Variants in DLG2 observed in about 807,000 individuals in gnomAD.
DLG2 encodes the protein discs large MAGUK scaffold protein 2.
In DLG2, 45 loss-of-function variants were observed where a neutral mutation model predicts 132.5. The ratio of observed to expected loss-of-function variants is 0.34; its 90% confidence interval spans 0.27 to 0.44. The LOEUF (loss-of-function observed/expected upper bound fraction) is 0.44, where lower values mean the gene tolerates loss of function less well. Ranked by LOEUF, DLG2 falls within the 20% of genes least tolerant of loss-of-function variation. The pLI is 1.00. For missense variants in DLG2, 1,045 were observed against 1,196.9 expected, an observed-to-expected ratio of 0.87 and a Z score of 1.87; for synonymous variants, 424 against 419.6, an observed-to-expected ratio of 1.01 and a Z score of -0.13.
Position 84,505,860 on chromosome 11 carries a change from C to T in DLG2, c.519+28710G>A, listed in dbSNP as rs1351445419. ...TGTAAGATGTATTTTATAGTTCAAT[C>T]TCATACATCTTAGCTTAACTTTCTG... On this transcript the variant is annotated intron_variant, in intron 7 of 27. Coordinates refer to ENST00000376104, the MANE Select transcript of DLG2 (RefSeq NM_001142699.3). Among the ~76,000 whole-genome samples, 3 of 152,040 alleles carry T rather than the reference C, an allele frequency of 2.0e-5. No individual in the cohort carries two copies. In the East Asian group the frequency reaches 5.8e-4, roughly 29 times the overall value.
intron 7 of DLG2, among the ~76,000 whole-genome samples, chr11:84,509,773 T>C (rs1403940310): frequency 6.6e-6 from 1 of 152,082 alleles, no homozygotes. Flanking sequence ...AAATTAAAAA[T>C]TGTGCAGAAT....
chr11:84,622,949 TG>T (rs2099616425), intron 6 of DLG2, among the ~76,000 whole-genome samples: 1 of 152,142 alleles, frequency 6.6e-6, no homozygotes, highest in Non-Finnish European at 1.5e-5. Context: ...ATTTTATCAT[TG>T]TGCTATCCCT....
intron 8 of DLG2, among the ~76,000 whole-genome samples, chr11:84,225,534 A>C (rs1295902604): frequency 6.6e-6 from 1 of 152,174 alleles, no homozygotes; most frequent in African/African-American, 2.4e-5. Context: ...ATTCCACTAG[A>C]ATATCATTCA....
intron 6 of DLG2, among the ~76,000 whole-genome samples, chr11:85,087,301 A>C (rs537804840): frequency 2.0e-5 from 3 of 152,348 alleles, no homozygotes; most frequent in Admixed American, 2.0e-4. Context: ...TGAGAGAGAG[A>C]GAGCCCCTAG....
intron 21 of DLG2, among the ~76,000 whole-genome samples, chr11:83,512,089 G>A (rs2095058620): frequency 1.3e-5 from 2 of 152,196 alleles, no homozygotes; most frequent in Non-Finnish European, 2.9e-5. Context: ...GCTGGAGACA[G>A]CTCAAAGGCA....
chr11:84,027,208 T>C (rs1022702972), intron 11 of DLG2, among the ~76,000 whole-genome samples: 4 of 152,120 alleles, frequency 2.6e-5, no homozygotes, highest in African/African-American at 9.7e-5. Context: ...TCTGCTTCAA[T>C]TAAAGTAACT....
At chr11:83,863,490 A>G (rs2061780577) in intron 16 of DLG2, among the ~76,000 whole-genome samples, 1 of 152,062 alleles carries the variant, frequency 6.6e-6, no homozygotes, top group African/African-American at 2.4e-5. Flanking sequence ...ATGAATGGAG[A>G]CTTTGTCAAT....
intron 16 of DLG2, among the ~76,000 whole-genome samples, chr11:83,839,343 C>T (rs1171917776): frequency 2.6e-5 from 4 of 152,066 alleles, no homozygotes; most frequent in Non-Finnish European, 5.9e-5. Context: ...AAATGGAATG[C>T]AAATAAAATG....
At chr11:85,149,398 G>A (rs1352944700) in intron 5 of DLG2, among the ~76,000 whole-genome samples, 1 of 152,102 alleles carries the variant, frequency 6.6e-6, no homozygotes, top group Non-Finnish European at 1.5e-5. Flanking sequence ...ATGTATACTT[G>A]TTTGAGTTGT....
At chr11:84,754,232 T>C (rs2066557191) in intron 6 of DLG2, among the ~76,000 whole-genome samples, 1 of 152,198 alleles carries the variant, frequency 6.6e-6, no homozygotes, top group African/African-American at 2.4e-5. Flanking sequence ...AGAAGATCTT[T>C]ATGAACTCCA....
Position 85,497,417 on chromosome 11 carries a change from C to A in DLG2, c.40+101240G>T, listed in dbSNP as rs72953956. ...GAAAAGAACAAAGCCTCCAAGAAAT[C>A]TGGAACTACGTGAACAGGCCAAATC... On this transcript the variant is annotated intron_variant, in intron 3 of 27. Transcript: ENST00000376104. Among the ~76,000 whole-genome samples, 894 of 151,876 alleles carry A rather than the reference C, an allele frequency of 5.9e-3. 2 individuals carry two copies. Among genetic ancestry groups the A allele is most frequent in the Middle Eastern group, 0.014 (4 of 294 alleles).
rs530284203 is a variant in DLG2, at chr11:84,846,076, G to T, written c.357+265585C>A. On this transcript the variant is annotated intron_variant, in intron 6 of 27. Coordinates refer to ENST00000376104, the MANE Select transcript of DLG2 (RefSeq NM_001142699.3). ...TAAAAGTTGGAGTTTTCTAGGTTCA[G>T]TCCTAGGTTCTCTTATCTGTAACTC... is the stretch of plus-strand genomic sequence containing the variant. Among the ~76,000 whole-genome samples the T allele has an allele frequency of 9.9e-4, 150 of 152,000 alleles. 1 individual carries two copies. Among genetic ancestry groups the T allele is most frequent in the African/African-American group, 3.6e-3 (148 of 41,476 alleles).
chr11:83,913,331 T>A (rs181460837), intron 15 of DLG2, among the ~76,000 whole-genome samples: 16 of 152,164 alleles, frequency 1.1e-4, no homozygotes, highest in African/African-American at 3.9e-4. Flanking sequence ...AGGGCTCTTA[T>A]GGGAGTAAAT....
intron 7 of DLG2, among the ~76,000 whole-genome samples, chr11:84,267,328 T>G (rs1005072358): frequency 1.3e-4 from 20 of 152,238 alleles, no homozygotes; most frequent in Non-Finnish European, 2.5e-4. Flanking sequence ...GCATGTCTTC[T>G]GGTTACTAGG....
intron 18 of DLG2, among the ~76,000 whole-genome samples, chr11:83,770,152 C>A (rs1270903203): frequency 6.6e-6 from 1 of 151,986 alleles, no homozygotes; most frequent in African/African-American, 2.4e-5. Flanking sequence ...CTTGCTCTTT[C>A]CCCTGTATGA....
At chr11:84,012,216 T>G (rs1366737101) in intron 11 of DLG2, among the ~76,000 whole-genome samples, 1 of 152,172 alleles carries the variant, frequency 6.6e-6, no homozygotes, top group Non-Finnish European at 1.5e-5. Flanking sequence ...GTAGCTGTCA[T>G]GAAACATTTT....
intron 7 of DLG2, among the ~76,000 whole-genome samples, chr11:84,366,826 C>G (rs1214051429): frequency 6.6e-6 from 1 of 152,058 alleles, no homozygotes; most frequent in Non-Finnish European, 1.5e-5. Context: ...TCCTGAGCGC[C>G]CTACAAAGAG....
At chr11:83,921,859 T>A (rs76705134) in intron 15 of DLG2, among the ~76,000 whole-genome samples, 15 of 137,708 alleles carry the variant, frequency 1.1e-4, no homozygotes, top group African/African-American at 2.5e-4. Context: ...AACTTTTTTT[T>A]AAAAAGCTAA....
chr11:84,214,139 T>A (rs2096796732), intron 8 of DLG2, among the ~76,000 whole-genome samples: 1 of 146,622 alleles, frequency 6.8e-6, no homozygotes, highest in Admixed American at 6.7e-5. Context: ...TGATGAATAT[T>A]TCAAATACTA....
Sources: allele counts gnomAD v4.1 joint callset (sites outside exome capture counted in the v4.1 genomes callset), GRCh38; gene constraint gnomAD v4.1.1; transcripts MANE v1.5; gene names NCBI Gene and HGNC (gene_info 2026-07-23, HGNC 2026-07-21).